The following RAPGEF4 variants were observed in gnomAD, a reference collection of about 807,000 sequenced individuals.
RAPGEF4 encodes RAP guanine-nucleotide-exchange factor (GEF) 4.
In RAPGEF4, 66 loss-of-function variants were observed where a neutral mutation model predicts 147.9. That is an observed-to-expected ratio of 0.45 (90% confidence interval 0.37 to 0.55). RAPGEF4 has a LOEUF of 0.55. Ranked by LOEUF, RAPGEF4 falls within the 20% of genes least tolerant of loss-of-function variation. The probability of loss-of-function intolerance (pLI) is 0.00; values close to 1 mark genes in which losing one functional copy is unlikely to be tolerated. For missense variants in RAPGEF4, 1,071 were observed against 1,257.3 expected, an observed-to-expected ratio of 0.85 and a Z score of 2.24; for synonymous variants, 419 against 442.7, an observed-to-expected ratio of 0.95 and a Z score of 0.67.
intron 4 of RAPGEF4, among the ~76,000 whole-genome samples, chr2:172,841,279 C>T (rs1691558511): frequency 6.6e-6 from 1 of 152,136 alleles, no homozygotes; most frequent in Non-Finnish European, 1.5e-5. Context: ...GCACCTCCTC[C>T]TTCCCCCTTT....
chr2:172,849,100 A>T (rs1332750111), intron 4 of RAPGEF4, among the ~76,000 whole-genome samples: 6 of 149,324 alleles, frequency 4.0e-5, no homozygotes, highest in Non-Finnish European at 4.4e-5. Context: ...GCAGAGAGGT[A>T]TGAGGGATTT....
chr2:172,851,071 G>A (rs780965017), intron 4 of RAPGEF4, among the ~76,000 whole-genome samples: 4 of 152,136 alleles, frequency 2.6e-5, no homozygotes, highest in Middle Eastern at 6.3e-3. Flanking sequence ...ATTTTGTTAC[G>A]AGTGTTTAGC....
chr2:173,019,575 G>A (rs1328226609), intron 22 of RAPGEF4, among the ~76,000 whole-genome samples: 6 of 152,224 alleles, frequency 3.9e-5, no homozygotes, highest in Non-Finnish European at 7.3e-5. Context: ...CAGCCATTTG[G>A]CGGAATCCTT....
chr2:172,739,993 G>T (rs1694168618), intron 1 of RAPGEF4, among the ~76,000 whole-genome samples: 1 of 152,194 alleles, frequency 6.6e-6, no homozygotes, highest in African/African-American at 2.4e-5. Context: ...AAATTTAGAT[G>T]AAATTCAAAT....
chr2:173,003,193 T>C (rs903623482), intron 17 of RAPGEF4, among the ~76,000 whole-genome samples: 1 of 152,124 alleles, frequency 6.6e-6, no homozygotes, highest in Non-Finnish European at 1.5e-5. Context: ...AAGGGTTGAC[T>C]GAGAACATTC....
intron 4 of RAPGEF4, among the ~76,000 whole-genome samples, chr2:172,830,815 AT>A (rs1181462931): frequency 6.6e-6 from 1 of 152,226 alleles, no homozygotes; most frequent in African/African-American, 2.4e-5. Flanking sequence ...TATTTAATTT[AT>A]TGAAACTAGG....
At chr2:172,891,535 A>G (rs928545508) in intron 4 of RAPGEF4, among the ~76,000 whole-genome samples, 1 of 152,204 alleles carries the variant, frequency 6.6e-6, no homozygotes, top group Non-Finnish European at 1.5e-5. Context: ...TAAAAGGTTC[A>G]TGTTGGAAAA....
At chr2:172,768,861 A>G (rs1461182793) in intron 1 of RAPGEF4, among the ~76,000 whole-genome samples, 3 of 152,198 alleles carry the variant, frequency 2.0e-5, no homozygotes, top group African/African-American at 7.2e-5. Context: ...TTCATCTCAA[A>G]CTATTTCAGT....
chr2:173,009,026 T>C (rs894469961), intron 17 of RAPGEF4, among the ~76,000 whole-genome samples: 1 of 152,198 alleles, frequency 6.6e-6, no homozygotes, highest in East Asian at 1.9e-4. Context: ...CTCAGTCACA[T>C]GTACACAATG....
intron 5 of RAPGEF4, among the ~76,000 whole-genome samples, chr2:172,918,842 A>T (rs1405900644): frequency 6.6e-6 from 1 of 152,178 alleles, no homozygotes; most frequent in Non-Finnish European, 1.5e-5. Context: ...AGCCACAGCC[A>T]GCCACCCTTC....
intron 4 of RAPGEF4, among the ~76,000 whole-genome samples, chr2:172,819,619 C>A (rs1688869738): frequency 6.6e-6 from 1 of 151,282 alleles, no homozygotes; most frequent in Non-Finnish European, 1.5e-5. Flanking sequence ...GCGCCCGCCA[C>A]TACGCCCGGC....
chr2:172,988,047 A>C (rs1282268689), intron 12 of RAPGEF4, 149 bp from the exon 13 acceptor site: 1 of 1,242,300 alleles, frequency 8.0e-7, no homozygotes, highest in East Asian at 2.9e-5. Context: ...ATAATGTGCC[A>C]CCTGAACAAG....
intron 10 of RAPGEF4, among the ~76,000 whole-genome samples, chr2:172,977,258 G>A (rs1462510189): frequency 6.6e-6 from 1 of 152,158 alleles, no homozygotes; most frequent in African/African-American, 2.4e-5. Flanking sequence ...CAGTCTGGGG[G>A]CTGATTTACA....
chr2:172,779,217 A>C (rs965830261), intron 1 of RAPGEF4, among the ~76,000 whole-genome samples: 2 of 152,246 alleles, frequency 1.3e-5, no homozygotes, highest in African/African-American at 4.8e-5. Flanking sequence ...AATAGCCAAA[A>C]TAAATCAATC....
At chr2:172,924,491 G>A (rs1685075105) in intron 6 of RAPGEF4, among the ~76,000 whole-genome samples, 1 of 152,168 alleles carries the variant, frequency 6.6e-6, no homozygotes, top group Admixed American at 6.5e-5. Context: ...ATTTGTCTAG[G>A]CTATTGTAGG....
intron 1 of RAPGEF4, 66 bp downstream of exon 1, chr2:172,736,114 G>A: frequency 7.9e-7 from 1 of 1,268,254 alleles, no homozygotes; most frequent in Non-Finnish European, 1.0e-6. Context: ...TGAGACCGCC[G>A]CAGCTCCGCA....
intron 4 of RAPGEF4, among the ~76,000 whole-genome samples, chr2:172,874,550 C>T (rs1695652309): frequency 6.6e-6 from 1 of 152,164 alleles, no homozygotes; most frequent in Non-Finnish European, 1.5e-5. Context: ...TTTCCAGCTT[C>T]ATCCATGTCC....
chr2:172,923,122 A>G (rs139131067), intron 6 of RAPGEF4, among the ~76,000 whole-genome samples: 2 of 152,236 alleles, frequency 1.3e-5, no homozygotes, highest in African/African-American at 2.4e-5. Flanking sequence ...TCTGAATTCA[A>G]TTTAGATTAT....
chr2:172,859,898 C>A, intron 4 of RAPGEF4: 1 of 404,988 alleles, frequency 2.5e-6, no homozygotes, highest in Non-Finnish European at 3.3e-6. Flanking sequence ...CTCTGACTTC[C>A]TGTCTCAATG....
Sources: gnomAD v4.1 joint callset for allele counts (sites outside exome capture counted in the v4.1 genomes callset) on GRCh38, gnomAD v4.1.1 for gene constraint, MANE v1.5 for transcripts, NCBI Gene and HGNC (gene_info 2026-07-23, HGNC 2026-07-21) for gene names.